Variants in SH3TC1 observed in about 807,000 individuals in gnomAD.
SH3TC1 encodes SH3 domain and tetratricopeptide repeat-containing protein 1.
Under a neutral mutation model 117.3 loss-of-function variants are expected in SH3TC1, and 135 were observed. That is an observed-to-expected ratio of 1.15 (90% CI 1.00 to 1.33). The LOEUF (loss-of-function observed/expected upper bound fraction) is 1.33. SH3TC1 is among the 40% of genes most tolerant of loss of function. The pLI, the probability that SH3TC1 is intolerant of heterozygous loss-of-function variation, is 0.00. For synonymous variants in SH3TC1, 898 were observed against 816.9 expected, an observed-to-expected ratio of 1.10 and a Z score of -1.69; for missense variants, 2,092 against 1,794.3, an observed-to-expected ratio of 1.17 and a Z score of -3.00.
intron 1 of SH3TC1, among the ~76,000 whole-genome samples, chr4:8,204,265 C>A (rs182507564): frequency 2.0e-5 from 3 of 152,228 alleles, no homozygotes; most frequent in Non-Finnish European, 4.4e-5. Flanking sequence ...TCTTGCTGGG[C>A]GGGGAGATGG....
rs1256866050 is a variant in SH3TC1 at position 8,236,353 on chromosome 4, C to G, written c.3481C>G (p.Leu1161Val). 4 of 1,549,696 alleles carry G rather than the reference C, an allele frequency of 2.6e-6. No homozygotes were observed. The highest frequency in any genetic ancestry group is 2.6e-6 in the Non-Finnish European group (3 of 1,146,814). Residue 1161 changes from leucine to valine, a missense_variant, in exon 16 of 18, where the codon CTG becomes GTG. By Grantham distance (32) the Leu-to-Val change is conservative. Coordinates refer to ENST00000245105, the MANE Select transcript of SH3TC1 (RefSeq NM_018986.5). ...GCGGCTGTGCAACAAGCTGGTGGCACTGCTGGCCACGCTGGAGGAGCCCCA... is the reference window on the plus strand; with the variant it reads ...GCGGCTGTGCAACAAGCTGGTGGCAGTGCTGGCCACGCTGGAGGAGCCCCA... ...ELRLCNKLVA[L>V]LATLEEPQEG... is the part of the protein sequence containing the mutation.
chr4:8,187,554 C>CTTTTTT (rs764585932), intron 1 of SH3TC1, among the ~76,000 whole-genome samples: 2 of 139,968 alleles, frequency 1.4e-5, no homozygotes, highest in East Asian at 2.1e-4. Flanking sequence ...CTTTTCTTTT[C>CTTTTTT]TTTTTTTTTT....
intron 12 of SH3TC1, among the ~76,000 whole-genome samples, chr4:8,229,596 G>T (rs1203480678): frequency 2.6e-5 from 4 of 151,892 alleles, no homozygotes; most frequent in African/African-American, 9.7e-5. Context: ...TGGGTTGGTT[G>T]GGTGCTGGAT....
chr4:8,216,302 CA>C lies in SH3TC1; in HGVS notation c.628+46del, dbSNP rs751066905. 3.7e-5 allele frequency: 59 copies of C among 1,590,180 alleles called. No homozygotes were observed. In the South Asian group the frequency reaches 6.1e-4, roughly 16 times the overall value. ...ATGGCCGAGATCCAGCTGTGCGGGG[CA>C]CTCCCGGGCCATGGGGTGACAGCCT... On this transcript the variant is annotated intron_variant, in intron 6 of 17. Transcript: ENST00000245105.
chr4:8,205,222 G>A lies in SH3TC1; in HGVS notation c.28G>A (p.Glu10Lys), dbSNP rs140399248. The A allele has an allele frequency of 6.5e-6, 10 of 1,547,280 alleles. No individual in the cohort carries two copies. Among genetic ancestry groups the A allele is most frequent in the Non-Finnish European group, 8.7e-6 (10 of 1,146,106 alleles). ...GGAGAACCTCCCTGCCGTGACCACT[G>A]AGGAGCCGACCCCCATGGGGAGGGG... MENLPAVTT[E>K]EPTPMGRGPV... is the part of the protein sequence containing the mutation. The change falls in exon 2 of 18, where the codon GAG becomes AAG. Residue 10 changes from glutamate to lysine, a missense_variant. By Grantham distance (56) the Glu-to-Lys change is moderately conservative. Coordinates refer to ENST00000245105, the MANE Select transcript of SH3TC1 (RefSeq NM_018986.5). This position sits in a 1 kb window ranked among gnomAD's most constrained non-coding sequence, Gnocchi z 5.4.
chr4:8,219,326 C>A lies in SH3TC1; in HGVS notation c.917-9C>A, dbSNP rs1429860136. The A allele has an allele frequency of 1.3e-6, 2 of 1,571,280 alleles. No individual in the cohort carries two copies. The highest frequency in any genetic ancestry group is 2.7e-5 in the African/African-American group (2 of 74,124). ...TCCCTGGCACTCACCATGTGGCTTT[C>A]TTCCGCAGCTGTGGGCCTGGCCTCG... On this transcript the variant is annotated splice_polypyrimidine_tract_variant and intron_variant, in intron 8 of 17. Coordinates refer to ENST00000245105, the MANE Select transcript of SH3TC1 (RefSeq NM_018986.5).
At chr4:8,213,104 C>A in intron 4 of SH3TC1, 2 of 472,138 alleles carry the variant, frequency 4.2e-6, no homozygotes, top group Non-Finnish European at 7.5e-6. Context: ...TCTCCACCTG[C>A]CCTCCACCCA....
At chr4:8,238,172 C>G (rs1482133084) in intron 17 of SH3TC1, among the ~76,000 whole-genome samples, 1 of 152,092 alleles carries the variant, frequency 6.6e-6, no homozygotes, top group Admixed American at 6.5e-5. Context: ...TCCCGAGACA[C>G]CTTGAATCTT....
intron 12 of SH3TC1, among the ~76,000 whole-genome samples, chr4:8,230,835 T>C (rs1040137979): frequency 2.5e-4 from 36 of 146,238 alleles, no homozygotes; most frequent in African/African-American, 8.4e-4. Flanking sequence ...CAGGCTGGAG[T>C]GCAGTGGTGC....
chr4:8,189,541 C>T (rs1717349497), intron 1 of SH3TC1, among the ~76,000 whole-genome samples: 1 of 152,178 alleles, frequency 6.6e-6, no homozygotes, highest in Non-Finnish European at 1.5e-5. Context: ...GGCCAGGGCC[C>T]CGCCAGGGGT....
intron 14 of SH3TC1, among the ~76,000 whole-genome samples, chr4:8,234,372 A>G (rs1322422494): frequency 1.3e-5 from 2 of 151,412 alleles, no homozygotes. Flanking sequence ...ACATTCGTCT[A>G]TCCACCCATC....
rs187637280 is a variant in SH3TC1 at position 8,207,992 on chromosome 4, C to T, written c.173-1756C>T. Among the ~76,000 whole-genome samples the T allele has an allele frequency of 1.0e-3, 156 of 152,310 alleles. 1 individual carries two copies. Among genetic ancestry groups the T allele is most frequent in the Middle Eastern group, 0.01 (3 of 294 alleles). The stretch of plus-strand genomic sequence containing the variant: ...ACACAGGGTTGATTGAGAGGACTTG[C>T]GTACAGGGTGGTTCAGCAGTGGCGG... On this transcript the variant is annotated intron_variant, in intron 2 of 17. Transcript: ENST00000245105.
rs575002624 is a variant in SH3TC1 at position 8,232,573 on chromosome 4, G to T, written c.3131+417G>T. On this transcript the variant is annotated intron_variant, in intron 13 of 17. Transcript: ENST00000245105. ...CACCTGTGGCTTCTCTCCCACAGAA[G>T]ACAGAGCCAGTTGTGTCACCTGCTT... 2.2e-6 allele frequency: 3 copies of T among 1,358,072 alleles called. No individual in the cohort carries two copies. The African/African-American group carries it at 4.4e-5, about 20-fold the overall frequency. 84.1% of individuals were successfully genotyped at this position (1,358,072 alleles called of 1,614,324 possible).
At chr4:8,235,815 T>C in intron 15 of SH3TC1, 1 of 402,456 alleles carries the variant, frequency 2.5e-6, no homozygotes, top group Non-Finnish European at 4.4e-6. Context: ...CCTGTCCCCA[T>C]CTTACAGATG....
Position 8,227,366 on chromosome 4 carries a change from G to T in SH3TC1, c.1672G>T (p.Ala558Ser). The change falls in exon 12 of 18, where the codon GCC (alanine) becomes TCC (serine). Residue 558 changes from alanine (A) to serine (S), a missense_variant. Transcript: ENST00000245105. ...GGCCAAGAAAGCTGGCCTCCTCATGGCCCTGGCCAGGCTCTGCTTCCTCCT... is the reference window on the plus strand; with the variant it reads ...GGCCAAGAAAGCTGGCCTCCTCATGTCCCTGGCCAGGCTCTGCTTCCTCCT... The part of the protein sequence containing the change: ...GAAKKAGLLM[A>S]LARLCFLLGR... 1 of 1,575,406 alleles carries T rather than the reference G, an allele frequency of 6.3e-7. No homozygotes were observed. The highest frequency in any genetic ancestry group is 8.6e-7 in the Non-Finnish European group (1 of 1,161,004).
At chr4:8,213,659 C>A (rs185357182) in intron 4 of SH3TC1, among the ~76,000 whole-genome samples, 1 of 152,136 alleles carries the variant, frequency 6.6e-6, no homozygotes, top group East Asian at 1.9e-4. Flanking sequence ...GCACTTTGGG[C>A]GAACGACGAA....
At chr4:8,219,820 G>T (rs1287396585) in intron 9 of SH3TC1, among the ~76,000 whole-genome samples, 1 of 152,228 alleles carries the variant, frequency 6.6e-6, no homozygotes, top group African/African-American at 2.4e-5. Context: ...CACGCCGGGG[G>T]CTTAAAGCAA....
intron 16 of SH3TC1, chr4:8,236,730 T>C (rs1165236303): frequency 1.4e-5 from 5 of 345,924 alleles, no homozygotes; most frequent in Non-Finnish European, 2.1e-5. Context: ...GGTCCCTGCA[T>C]GTGCCAGGCT....
At position 8,225,143 on chromosome 4, in the gene SH3TC1, G is replaced by T. The variant is rs1454023292; in HGVS notation, c.1244-32G>T. On this transcript the variant is annotated intron_variant, in intron 10 of 17. Transcript: ENST00000245105. This position sits in a 1 kb window ranked among gnomAD's most constrained non-coding sequence, Gnocchi z 5.5. Reference sequence around the variant, plus strand: ...AGGGGACCAGAGGTACTGGCTGGGGGTGTTGATTGCTTCTCTTTTCTCCCT... The same window carrying T: ...AGGGGACCAGAGGTACTGGCTGGGGTTGTTGATTGCTTCTCTTTTCTCCCT... 5 of 1,613,384 alleles carry T rather than the reference G, an allele frequency of 3.1e-6. No individual in the cohort carries two copies. Among genetic ancestry groups the T allele is most frequent in the African/African-American group, 1.3e-5 (1 of 74,930 alleles).
Sources: allele counts gnomAD v4.1 joint callset (sites outside exome capture counted in the v4.1 genomes callset), GRCh38; gene constraint gnomAD v4.1.1; non-coding constraint Gnocchi (gnomAD v3.1); transcripts MANE v1.5; gene names NCBI Gene and HGNC (gene_info 2026-07-23, HGNC 2026-07-21).